The following NBPF14 variants were observed in gnomAD, a reference collection of about 807,000 sequenced individuals.
NBPF14 encodes NBPF member 14.
NBPF14 carries 104 observed loss-of-function variants against 91.2 expected under a neutral mutation model. The observed-to-expected ratio is 1.14, with a 90% CI of 0.97 to 1.34. NBPF14 has a LOEUF of 1.34. Among genes scored for constraint, NBPF14 ranks in the 40% most tolerant of loss-of-function variants. The probability of loss-of-function intolerance (pLI) is 0.00; values close to 1 mark genes in which losing one functional copy is unlikely to be tolerated. For missense variants in NBPF14, 908 were observed against 783.0 expected (o/e 1.16, Z -1.91); for synonymous variants, 294 against 303.8 (o/e 0.97, Z 0.34).
chr1:148,566,163 C>G (rs1178649759), exon 29 of NBPF14: 1 of 527,628 alleles, frequency 1.9e-6, no homozygotes, highest in South Asian at 1.9e-5. Context: ...AAGAGAAAAG[C>G]CAACATGTTT....
chr1:148,578,841 G>C (rs1403798206), intron 13 of NBPF14, among the ~76,000 whole-genome samples: 2 of 149,710 alleles, frequency 1.3e-5, no homozygotes, highest in African/African-American at 4.9e-5. Context: ...GTGACAGTCA[G>C]TCCAGGTTGG....
In NBPF14 at chr1:148,559,817, C is replaced by A. The variant is rs1404207004; in HGVS notation, c.4705G>T (p.Val1569Phe). ...CCATCCATGTCAACAGCCAAGCCAA[C>A]ACGCTGCTGCTCCAATATGTAAAAG... Residue 1569 changes from valine (V) to phenylalanine (F), a missense_variant, in exon 37 of 71, where the codon GTT (valine) becomes TTT (phenylalanine). Physicochemically the swap from Val to Phe is conservative, Grantham distance 50. Transcript: ENST00000619423. 1,241 of 1,534,660 alleles carry A rather than the reference C, an allele frequency of 8.1e-4. 107 individuals are homozygous for A. The highest frequency in any genetic ancestry group is 2.9e-3 in the South Asian group (237 of 82,450).
At chr1:148,576,244 G>A (rs1276924838) in intron 16 of NBPF14, among the ~76,000 whole-genome samples, 166 bp downstream of exon 16, 6 of 124,316 alleles carry the variant, frequency 4.8e-5, no homozygotes, top group Admixed American at 3.8e-4. Flanking sequence ...AGGGGAGGAA[G>A]AAATGGAAAC....
chr1:148,566,512 CA>C (rs1658366538), intron 28 of NBPF14, among the ~76,000 whole-genome samples, 197 bp from the exon 29 acceptor site: 1 of 93,704 alleles, frequency 1.1e-5, no homozygotes, highest in Non-Finnish European at 2.1e-5. Flanking sequence ...AAGACAGACA[CA>C]CACACACACA....
In NBPF14 at chr1:148,535,340, G is replaced by T. The variant is rs1274532881; in HGVS notation, c.8441+113C>A. Reference sequence around the variant, plus strand: ...TGAAAACCAACAGCAATGTCAGTAGGAGTAATTCAACCTTCGCTGAAAACA... The same window carrying T: ...TGAAAACCAACAGCAATGTCAGTAGTAGTAATTCAACCTTCGCTGAAAACA... On this transcript the variant is annotated intron_variant, in intron 68 of 70. Transcript: ENST00000619423. The T allele has an allele frequency of 1.4e-5, 8 of 588,202 alleles. 2 individuals carry two copies. In the East Asian group the frequency reaches 2.4e-4, roughly 17 times the overall value. 36.4% of individuals were successfully genotyped at this position (588,202 alleles called of 1,614,324 possible).
At chr1:148,594,340 T>C (rs1662970819) in intron 2 of NBPF14, among the ~76,000 whole-genome samples, 1 of 140,446 alleles carries the variant, frequency 7.1e-6, no homozygotes, top group Non-Finnish European at 1.5e-5. Flanking sequence ...TTAGTTTGTG[T>C]TAATTTAGAA....
In NBPF14 at chr1:148,566,279, T is replaced by A. The variant is rs1320503043; in HGVS notation, c.3579A>T (p.Glu1193Asp). 2.7e-5 allele frequency: 18 copies of A among 669,946 alleles called. 4 individuals are homozygous for A. In the East Asian group the frequency reaches 4.7e-4, roughly 18 times the overall value. The allele number at this position is 669,946 out of a possible 1,614,324, so 41.5% of individuals were successfully genotyped here. ...ATCTATCCAGTGAGTCCTGCAAGAC[T>A]TCAGGCTCTACTACCTCCAGCAGCT... is the stretch of plus-strand genomic sequence containing the variant. The change falls in exon 29 of 71, where the codon GAA (glutamate) becomes GAT (aspartate). Residue 1193 changes from glutamate to aspartate, a missense_variant. Transcript: ENST00000619423.
Position 148,535,436 on chromosome 1 carries a change from T to C in NBPF14, c.8441+17A>G. 1 of 488,196 alleles carries C rather than the reference T, an allele frequency of 2.0e-6. No individual in the cohort carries two copies. Among genetic ancestry groups the C allele is most frequent in the Non-Finnish European group, 3.5e-6 (1 of 286,998 alleles). The allele number at this position is 488,196 out of a possible 1,614,324, so 30.2% of individuals were successfully genotyped here. A position where few individuals can be genotyped will look rare whatever the true frequency, so the allele number is the denominator to read the frequency against. ...GTGTCAACACAGAATTAAGCATCCA[T>C]AATTGCTCAAAGTTACCTGGGGCAT... On this transcript the variant is annotated intron_variant, in intron 68 of 70. Coordinates refer to ENST00000619423, the Ensembl canonical transcript of NBPF14.
intron 3 of NBPF14, among the ~76,000 whole-genome samples, chr1:148,593,371 A>G (rs1377906415): frequency 6.7e-6 from 1 of 148,630 alleles, no homozygotes; most frequent in Admixed American, 6.7e-5. Flanking sequence ...ATTTCACCTC[A>G]ACAATTACTT....
chr1:148,580,961 C>A (rs1305936671), intron 12 of NBPF14, among the ~76,000 whole-genome samples: 1 of 96,914 alleles, frequency 1.0e-5, no homozygotes, highest in Non-Finnish European at 2.1e-5. Context: ...CACCCATTAA[C>A]TCATCATTTA....
chr1:148,577,340 C>A (rs1323022247), exon 15 of NBPF14: 1 of 624,734 alleles, frequency 1.6e-6, no homozygotes, highest in East Asian at 2.7e-5. Flanking sequence ...TCTCATCCAG[C>A]AGCTCCCTGC....
intron 34 of NBPF14, 98 bp from the exon 35 acceptor site, chr1:148,561,677 A>C (rs1342929912): frequency 7.0e-6 from 2 of 284,390 alleles, no homozygotes; most frequent in African/African-American, 1.6e-4. Flanking sequence ...GTGGTTAAAA[A>C]ACTAAAAGGA....
Position 148,579,756 on chromosome 1 carries a change from G to A in NBPF14, c.1638-519C>T, listed in dbSNP as rs1361444060. On this transcript the variant is annotated intron_variant, in intron 12 of 70. Transcript: ENST00000619423. ...GAAAGCATATATACACCTCTCCCTG[G>A]ATTTAGACACATGGGAGAGAATAGG... Among the ~76,000 whole-genome samples, 11 of 152,198 alleles carry A rather than the reference G, an allele frequency of 7.2e-5. No individual in the cohort carries two copies. In the East Asian group the frequency reaches 1.7e-3, roughly 24 times the overall value.
At chr1:148,593,906 C>T (rs1158710739) in intron 2 of NBPF14, among the ~76,000 whole-genome samples, 1 of 149,886 alleles carries the variant, frequency 6.7e-6, no homozygotes, top group Admixed American at 6.6e-5. Context: ...GAAAGAGAAA[C>T]TCAAGGGCAC....
At chr1:148,534,636 T>A in intron 69 of NBPF14, 48 bp downstream of exon 69, 3 of 886,172 alleles carry the variant, frequency 3.4e-6, no homozygotes, top group Non-Finnish European at 5.8e-6. Flanking sequence ...ATCACCCCTA[T>A]CTGGAAGACC....
chr1:148,577,520 G>T (rs1354817820), intron 14 of NBPF14, among the ~76,000 whole-genome samples, 165 bp from the exon 15 acceptor site: 7 of 149,344 alleles, frequency 4.7e-5, no homozygotes, highest in African/African-American at 1.8e-4. Flanking sequence ...ACTATGGCCA[G>T]GTAGAAAAGG....
chr1:148,579,808 G>A (rs1451138979), intron 12 of NBPF14, among the ~76,000 whole-genome samples: 1 of 152,120 alleles, frequency 6.6e-6, no homozygotes, highest in African/African-American at 2.4e-5. Flanking sequence ...CTGTTTGAGG[G>A]TCTGGAGTGG....
chr1:148,580,645 G>A (rs1368504550), intron 12 of NBPF14, among the ~76,000 whole-genome samples: 106 of 55,022 alleles, frequency 1.9e-3, no homozygotes, highest in Middle Eastern at 5.6e-3. Flanking sequence ...ACACGTAATT[G>A]TCAGATTCAC....
chr1:148,566,207 C>G (rs1658232498), exon 29 of NBPF14: 1 of 577,516 alleles, frequency 1.7e-6, no homozygotes, highest in Non-Finnish European at 3.0e-6. Context: ...TTCCATAGGG[C>G]TGGCAGGAGT....
Sources: allele counts gnomAD v4.1 joint callset (sites outside exome capture counted in the v4.1 genomes callset), GRCh38; gene constraint gnomAD v4.1.1; transcripts MANE v1.5; gene names NCBI Gene and HGNC (gene_info 2026-07-23, HGNC 2026-07-21).